Variants in TRDN observed in about 807,000 individuals in gnomAD.
TRDN encodes triadin.
Under a neutral mutation model 149.7 loss-of-function variants are expected in TRDN, and 161 were observed. The observed-to-expected ratio is 1.08, with a 90% CI of 0.95 to 1.23. TRDN has a LOEUF of 1.23. TRDN is among the 50% of genes most tolerant of loss of function. The pLI is 0.00. For missense variants in TRDN, 896 were observed against 823.5 expected (o/e 1.09, Z -1.08); for synonymous variants, 294 against 250.5 (o/e 1.17, Z -1.64).
chr6:123,278,395 C>A, intron 25 of TRDN, 48 bp from the exon 26 acceptor site: 3 of 1,109,458 alleles, frequency 2.7e-6, no homozygotes, highest in South Asian at 3.3e-5. Context: ...GAAAGATATT[C>A]ATTTCCTATA....
chr6:123,635,323 A>C (rs11154182), intron 1 of TRDN, among the ~76,000 whole-genome samples: 1 of 147,172 alleles, frequency 6.8e-6, no homozygotes, highest in Admixed American at 6.8e-5. Context: ...CAGAAAAGAA[A>C]ACACACACAC....
At chr6:123,584,197 C>G (rs1431114904) in intron 1 of TRDN, among the ~76,000 whole-genome samples, 1 of 152,016 alleles carries the variant, frequency 6.6e-6, no homozygotes, top group African/African-American at 2.4e-5. Context: ...GGGCCAGGAA[C>G]AATGGTAATT....
intron 10 of TRDN, among the ~76,000 whole-genome samples, chr6:123,460,737 C>T (rs1330164909): frequency 2.6e-4 from 40 of 151,944 alleles, no homozygotes. Context: ...ACCTTACTAG[C>T]TCCTGTAGAA....
rs568113161 is a variant in TRDN, at chr6:123,287,098, C to T, written c.1511-8016G>A. On this transcript the variant is annotated intron_variant, in intron 24 of 40. Transcript: ENST00000334268. The stretch of plus-strand genomic sequence containing the variant: ...ACAGATAAGAAGCACAGAAAGAGTG[C>T]AAAGAGGTCTTAATGATGAAATCTC... 2.6e-5 allele frequency among the ~76,000 whole-genome samples: 4 copies of T among 152,134 alleles called. No homozygotes were observed. In the South Asian group the frequency reaches 8.3e-4, roughly 32 times the overall value.
chr6:123,533,694 G>T (rs919822627), intron 4 of TRDN, among the ~76,000 whole-genome samples: 1 of 151,914 alleles, frequency 6.6e-6, no homozygotes, highest in African/African-American at 2.4e-5. Flanking sequence ...CTGAAAAAAA[G>T]AAATAAAGAC....
intron 12 of TRDN, among the ~76,000 whole-genome samples, chr6:123,402,370 T>C (rs1773015109): frequency 6.6e-6 from 1 of 152,220 alleles, no homozygotes; most frequent in South Asian, 2.1e-4. Context: ...TCCCTTCAGT[T>C]TGGGCTATAA....
At chr6:123,331,628 T>A (rs1156917854) in intron 23 of TRDN, among the ~76,000 whole-genome samples, 1 of 152,090 alleles carries the variant, frequency 6.6e-6, no homozygotes, top group African/African-American at 2.4e-5. Flanking sequence ...TACAGACCCA[T>A]GGAATCAGAA....
Position 123,221,388 on chromosome 6 carries a change from T to C in TRDN, c.2050+99A>G, listed in dbSNP as rs535685649. ...TTCATGTCTATGCTAAAAAATTTTT[T>C]CTTCGAATACTGGTCTTAAGAGAGT... On this transcript the variant is annotated intron_variant, in intron 40 of 40. Coordinates refer to ENST00000334268, the MANE Select transcript of TRDN (RefSeq NM_006073.4). The C allele has an allele frequency of 1.3e-5, 10 of 748,954 alleles. No homozygotes were observed. In the South Asian group the frequency reaches 2.8e-4, roughly 21 times the overall value. The allele number at this position is 748,954 out of a possible 1,614,324, so 46.4% of individuals were successfully genotyped here. A position where few individuals can be genotyped will look rare whatever the true frequency, so the allele number is the denominator to read the frequency against.
intron 1 of TRDN, among the ~76,000 whole-genome samples, chr6:123,582,231 C>A (rs1366253157): frequency 6.6e-6 from 1 of 152,126 alleles, no homozygotes; most frequent in Non-Finnish European, 1.5e-5. Flanking sequence ...CAAAGATTTT[C>A]TGATTGACGG....
chr6:123,592,247 G>C (rs1194191281), intron 1 of TRDN, among the ~76,000 whole-genome samples: 1 of 152,142 alleles, frequency 6.6e-6, no homozygotes, highest in Non-Finnish European at 1.5e-5. Flanking sequence ...ATAATGAATG[G>C]ACTTTTTCTA....
At chr6:123,327,605 A>G (rs1779506213) in intron 23 of TRDN, among the ~76,000 whole-genome samples, 1 of 152,108 alleles carries the variant, frequency 6.6e-6, no homozygotes, top group Non-Finnish European at 1.5e-5. Context: ...TGAATAGGGT[A>G]CCCTGAACGA....
At chr6:123,536,567 T>C (rs1780542878) in intron 4 of TRDN, among the ~76,000 whole-genome samples, 1 of 151,872 alleles carries the variant, frequency 6.6e-6, no homozygotes, top group Non-Finnish European at 1.5e-5. Flanking sequence ...ACTGCAACGA[T>C]TGGCCAGGTG....
intron 40 of TRDN, among the ~76,000 whole-genome samples, chr6:123,219,829 A>G (rs1205845412): frequency 1.3e-5 from 2 of 151,832 alleles, no homozygotes; most frequent in Admixed American, 6.6e-5. Flanking sequence ...TAGGCAGGCT[A>G]CAAGAGGGAC....
chr6:123,278,380 T>C (rs1174493123), intron 25 of TRDN, 33 bp from the exon 26 acceptor site: 2 of 1,188,472 alleles, frequency 1.7e-6, no homozygotes, highest in Non-Finnish European at 2.3e-6. Context: ...GTAACAATGA[T>C]TATAGAAAGA....
intron 21 of TRDN, among the ~76,000 whole-genome samples, chr6:123,339,031 G>GT (rs748598442): frequency 7.9e-5 from 12 of 151,278 alleles, no homozygotes; most frequent in Admixed American, 2.6e-4. Context: ...TTTTGTTTTT[G>GT]TTTTTTTTGT....
At chr6:123,326,054 C>A (rs994376569) in intron 23 of TRDN, among the ~76,000 whole-genome samples, 2 of 152,084 alleles carry the variant, frequency 1.3e-5, no homozygotes, top group Non-Finnish European at 2.9e-5. Flanking sequence ...TAGTATTGGA[C>A]TTCAAGTTTG....
chr6:123,630,672 G>A (rs921744238), intron 1 of TRDN, among the ~76,000 whole-genome samples: 1 of 151,780 alleles, frequency 6.6e-6, no homozygotes, highest in Non-Finnish European at 1.5e-5. Context: ...GGGGTGGGGA[G>A]AAAAATAGTT....
At chr6:123,403,372 A>C (rs929395098) in intron 12 of TRDN, among the ~76,000 whole-genome samples, 1 of 152,158 alleles carries the variant, frequency 6.6e-6, no homozygotes, top group Non-Finnish European at 1.5e-5. Flanking sequence ...AGTGAGTGGA[A>C]TCCATTCCTG....
chr6:123,317,065 A>G (rs1313445478), intron 23 of TRDN, among the ~76,000 whole-genome samples: 2 of 151,822 alleles, frequency 1.3e-5, no homozygotes, highest in East Asian at 3.9e-4. Context: ...TTGTCCTAGG[A>G]CAATGTCTTT....
Sources: gnomAD v4.1 joint callset for allele counts (sites outside exome capture counted in the v4.1 genomes callset) on GRCh38, gnomAD v4.1.1 for gene constraint, MANE v1.5 for transcripts, NCBI Gene and HGNC (gene_info 2026-07-23, HGNC 2026-07-21) for gene names.